Variants in CDH12 observed in about 807,000 individuals in gnomAD.
The protein encoded by CDH12 is cadherin-12.
In CDH12, 41 loss-of-function variants were observed where a neutral mutation model predicts 74.1. The observed-to-expected ratio is 0.55, with a 90% CI of 0.43 to 0.72. The LOEUF (loss-of-function observed/expected upper bound fraction) is 0.72, where lower values mean the gene tolerates loss of function less well. CDH12 is among the 30% of genes least tolerant of loss of function. The probability of loss-of-function intolerance (pLI) is 0.00; values close to 1 mark genes in which losing one functional copy is unlikely to be tolerated. For missense variants in CDH12, 945 were observed against 977.2 expected, an observed-to-expected ratio of 0.97 and a Z score of 0.44; for synonymous variants, 399 against 355.0, an observed-to-expected ratio of 1.12 and a Z score of -1.39.
At chr5:21,872,890 C>CATTCATCTATCT (rs1751711201) in intron 6 of CDH12, among the ~76,000 whole-genome samples, 1 of 7,538 alleles carries the variant, frequency 1.3e-4, no homozygotes, top group South Asian at 4.9e-3. Context: ...ACCTACCTAT[C>CATTCATCTATCT]ATCCATCTAT....
chr5:22,138,659 T>C (rs1036345264), intron 4 of CDH12, among the ~76,000 whole-genome samples: 3 of 150,390 alleles, frequency 2.0e-5, no homozygotes, highest in African/African-American at 4.9e-5. Context: ...TAAGATCAAA[T>C]AGGTCTTGAG....
chr5:21,942,401 T>G (rs1755380842), intron 6 of CDH12, among the ~76,000 whole-genome samples: 2 of 148,374 alleles, frequency 1.3e-5, no homozygotes, highest in African/African-American at 5.1e-5. Context: ...TATATATGTG[T>G]GGGTGTGTAT....
chr5:21,982,407 G>A (rs765624987), intron 5 of CDH12, among the ~76,000 whole-genome samples: 7 of 151,740 alleles, frequency 4.6e-5, no homozygotes, highest in Non-Finnish European at 1.0e-4. Flanking sequence ...ATAATTGTGT[G>A]AGCCAATTCC....
At chr5:21,913,580 A>T (rs1388273136) in intron 6 of CDH12, among the ~76,000 whole-genome samples, 1 of 152,116 alleles carries the variant, frequency 6.6e-6, no homozygotes, top group African/African-American at 2.4e-5. Flanking sequence ...TTATAAATTA[A>T]TTTATTTTTA....
At chr5:22,425,328 T>A (rs1426602791) in intron 2 of CDH12, among the ~76,000 whole-genome samples, 1 of 151,456 alleles carries the variant, frequency 6.6e-6, no homozygotes, top group African/African-American at 2.4e-5. Context: ...TTATTTTGTT[T>A]ACTTTATCTG....
Position 22,517,208 on chromosome 5 carries a change from T to A in CDH12, c.-522-11844A>T, listed in dbSNP as rs922857105. 1.8e-4 allele frequency among the ~76,000 whole-genome samples: 27 copies of A among 152,084 alleles called. 1 individual carries two copies. The highest frequency in any genetic ancestry group is 6.3e-4 in the African/African-American group (26 of 41,454). On this transcript the variant is annotated intron_variant, in intron 1 of 14. Coordinates refer to ENST00000382254, the MANE Select transcript of CDH12 (RefSeq NM_004061.5). ...TTTAAAAATAAGATATATTTAGCAT[T>A]TTGGAAATGTTTATTTTAAAATGCT...
intron 6 of CDH12, among the ~76,000 whole-genome samples, chr5:21,937,383 T>C (rs2150086581): frequency 6.6e-6 from 1 of 152,248 alleles, no homozygotes; most frequent in Admixed American, 6.5e-5. Flanking sequence ...AGAGAGAATA[T>C]ATTTTGATGA....
intron 1 of CDH12, among the ~76,000 whole-genome samples, chr5:22,611,336 T>TC (rs2126826448): frequency 6.6e-6 from 1 of 152,282 alleles, no homozygotes; most frequent in African/African-American, 2.4e-5. Context: ...CACTCTGAAT[T>TC]CATTCTTCTG....
In CDH12 at chr5:22,321,452, C is replaced by T. The variant is rs556391986; in HGVS notation, c.-333+83805G>A. 7.2e-3 allele frequency among the ~76,000 whole-genome samples: 947 copies of T among 131,626 alleles called. 8 individuals carry two copies. Among genetic ancestry groups the T allele is most frequent in the African/African-American group, 0.027 (905 of 33,576 alleles). The allele number at this position is 131,626 out of a possible 152,430, so 86.4% of individuals were successfully genotyped here. On this transcript the variant is annotated intron_variant, in intron 3 of 14. Coordinates refer to ENST00000382254, the MANE Select transcript of CDH12 (RefSeq NM_004061.5). ...AGGTGGGAATTGAACAATGAGATCACATGGACACAGGAAGGGGAATATCAC... is the reference window on the plus strand; with the variant it reads ...AGGTGGGAATTGAACAATGAGATCATATGGACACAGGAAGGGGAATATCAC...
intron 6 of CDH12, among the ~76,000 whole-genome samples, chr5:21,865,870 G>T (rs1751299893): frequency 6.6e-6 from 1 of 152,148 alleles, no homozygotes; most frequent in Non-Finnish European, 1.5e-5. Flanking sequence ...CATGTGATAT[G>T]GTTTTGTTGT....
intron 6 of CDH12, among the ~76,000 whole-genome samples, chr5:21,970,362 C>G (rs1756784546): frequency 6.6e-6 from 1 of 152,088 alleles, no homozygotes. Context: ...ATGGCTGGCT[C>G]AAGGGATAAG....
chr5:21,871,842 A>C (rs974425486), intron 6 of CDH12, among the ~76,000 whole-genome samples: 12 of 152,072 alleles, frequency 7.9e-5, no homozygotes, highest in Non-Finnish European at 1.6e-4. Context: ...TCCTATCCTC[A>C]ACTCTCACCC....
rs961248769 is a variant in CDH12 at position 21,807,431 on chromosome 5, C to G, written c.1003-5011G>C. ...TCTCAGAGAATTGGTTTTGTCTGTGCAATGGGCAGGAAGAGCCCATTGGGC... is the reference window on the plus strand; with the variant it reads ...TCTCAGAGAATTGGTTTTGTCTGTGGAATGGGCAGGAAGAGCCCATTGGGC... On this transcript the variant is annotated intron_variant, in intron 9 of 14. Coordinates refer to ENST00000382254, the MANE Select transcript of CDH12 (RefSeq NM_004061.5). Among the ~76,000 whole-genome samples, 4 of 152,084 alleles carry G rather than the reference C, an allele frequency of 2.6e-5. No individual in the cohort carries two copies. The South Asian group carries it at 8.3e-4, about 31-fold the overall frequency.
chr5:21,971,095 T>C (rs1756834376), intron 6 of CDH12, among the ~76,000 whole-genome samples: 2 of 152,048 alleles, frequency 1.3e-5, no homozygotes, highest in South Asian at 2.1e-4. Context: ...CTTTTTAAGA[T>C]ATTGAATGAA....
At chr5:22,286,918 C>CT (rs1737157275) in intron 3 of CDH12, among the ~76,000 whole-genome samples, 1 of 152,104 alleles carries the variant, frequency 6.6e-6, no homozygotes, top group African/African-American at 2.4e-5. Context: ...CTTCCTGTCT[C>CT]TGAGTTACAA....
At chr5:21,826,608 C>G (rs1748685074) in intron 8 of CDH12, among the ~76,000 whole-genome samples, 1 of 152,106 alleles carries the variant, frequency 6.6e-6, no homozygotes, top group Non-Finnish European at 1.5e-5. Context: ...AGGTCATTTC[C>G]ATCACTCCTA....
intron 1 of CDH12, among the ~76,000 whole-genome samples, chr5:22,615,323 A>G (rs1489834528): frequency 1.3e-5 from 2 of 152,142 alleles, no homozygotes; most frequent in Non-Finnish European, 1.5e-5. Context: ...TCACTGAAAT[A>G]ATATATTTTT....
chr5:22,441,381 T>A (rs995678463), intron 2 of CDH12, among the ~76,000 whole-genome samples: 6 of 150,414 alleles, frequency 4.0e-5, no homozygotes, highest in African/African-American at 7.4e-5. Flanking sequence ...TTGAAGATAT[T>A]TTTTTTTTGG....
chr5:22,372,541 A>C (rs1244298602), intron 3 of CDH12, among the ~76,000 whole-genome samples: 2 of 152,148 alleles, frequency 1.3e-5, no homozygotes, highest in Non-Finnish European at 2.9e-5. Context: ...CAGGCTTCCA[A>C]GCCCTGAGCA....
Sources: allele counts gnomAD v4.1 joint callset (sites outside exome capture counted in the v4.1 genomes callset), GRCh38; gene constraint gnomAD v4.1.1; transcripts MANE v1.5; gene names NCBI Gene and HGNC (gene_info 2026-07-23, HGNC 2026-07-21).